The following PRDM16 variants were observed in gnomAD, a reference collection of about 807,000 sequenced individuals.
The protein encoded by PRDM16 is histone-lysine N-methyltransferase PRDM16.
In PRDM16, 23 loss-of-function variants were observed where a neutral mutation model predicts 110.6. The observed-to-expected ratio is 0.21, with a 90% CI of 0.15 to 0.29. PRDM16 has a LOEUF of 0.29. PRDM16 is among the 10% of genes least tolerant of loss of function. The pLI is 1.00. For missense variants in PRDM16, 1,615 were observed against 1,794.3 expected (o/e 0.90, Z 1.81); for synonymous variants, 799 against 781.8 (o/e 1.02, Z -0.37).
chr1:3,367,357 T>G (rs1642834042), intron 3 of PRDM16, among the ~76,000 whole-genome samples: 1 of 152,164 alleles, frequency 6.6e-6, no homozygotes, highest in Non-Finnish European at 1.5e-5. Flanking sequence ...CTCTGCTCCA[T>G]TTGGACAGGA....
rs1643689737 is a variant in PRDM16 at position 3,411,712 on chromosome 1, C to G, written c.1515C>G (p.Pro505=). 1 of 1,610,576 alleles carries G rather than the reference C, an allele frequency of 6.2e-7. No homozygotes were observed. Among genetic ancestry groups the G allele is most frequent in the Non-Finnish European group, 8.5e-7 (1 of 1,177,934 alleles). The change falls in exon 9 of 17, where the codon CCC becomes CCG. Residue 505 remains proline (P), a synonymous_variant. Transcript: ENST00000270722. ...PGSLPFSTAP[P]TFPALTPGFP... is the part of the protein sequence containing the mutation. Reference sequence around the variant, plus strand: ...GCCTGCCCTTCTCCACGGCGCCTCCCACGTTCCCCGCACTCACCCCCGGCT... The same window carrying G: ...GCCTGCCCTTCTCCACGGCGCCTCCGACGTTCCCCGCACTCACCCCCGGCT...
At position 3,408,671 on chromosome 1, in the gene PRDM16, TGA is replaced by T. The variant is rs911885320; in HGVS notation, c.1187-2711_1187-2710del. ...CTGTGTTGGCATGTGTGAGAGTGTG[TGA>T]GTGTGAGCACGTGAGCCGGTGCATG... On this transcript the variant is annotated intron_variant, in intron 8 of 16. Transcript: ENST00000270722. Among the ~76,000 whole-genome samples the T allele has an allele frequency of 1.3e-4, 18 of 141,472 alleles. 1 individual carries two copies. The East Asian group carries it at 2.1e-3, about 17-fold the overall frequency. The allele number at this position is 141,472 out of a possible 152,430, so 92.8% of individuals were successfully genotyped here.
rs547235416 is a variant in PRDM16 at position 3,243,151 on chromosome 1, G to A, written c.388-936G>A. Among the ~76,000 whole-genome samples, 1 of 152,230 alleles carries A rather than the reference G, an allele frequency of 6.6e-6. No homozygotes were observed. The highest frequency in any genetic ancestry group is 2.1e-4 in the South Asian group (1 of 4,830). On this transcript the variant is annotated intron_variant, in intron 2 of 16. Coordinates refer to ENST00000270722, the MANE Select transcript of PRDM16 (RefSeq NM_022114.4). This position sits in a 1 kb window ranked among gnomAD's most constrained non-coding sequence, Gnocchi z 5.5. ...CTCCAGCCTCCCTGTCTCGGCCTCT[G>A]TCCACACGTGGGTGAGGGGGTGGGA...
In PRDM16 at chr1:3,376,995, C is replaced by T. The variant is rs921285143; in HGVS notation, c.439-8157C>T. Among the ~76,000 whole-genome samples the T allele has an allele frequency of 5.3e-5, 8 of 152,360 alleles. No individual in the cohort carries two copies. In the South Asian group the frequency reaches 1.0e-3, roughly 20 times the overall value. ...ACCGAGGTGTTTCCAGAACGCCTTT[C>T]CCCCACCTCCTTCCATCACAAGAAT... On this transcript the variant is annotated intron_variant, in intron 3 of 16. Transcript: ENST00000270722.
rs1642938348 is a variant in PRDM16 at position 3,373,375 on chromosome 1, T to A, written c.439-11777T>A. 3.9e-5 allele frequency among the ~76,000 whole-genome samples: 6 copies of A among 152,140 alleles called. No homozygotes were observed. The South Asian group carries it at 1.2e-3, about 31-fold the overall frequency. ...GCGTGCCTTTGCGGTGACCCACATC[T>A]GGGCAAGTAGACACTGTGGAGACTC... is the stretch of plus-strand genomic sequence containing the variant. On this transcript the variant is annotated intron_variant, in intron 3 of 16. Coordinates refer to ENST00000270722, the MANE Select transcript of PRDM16 (RefSeq NM_022114.4).
chr1:3,411,864 T>C lies in PRDM16; in HGVS notation c.1667T>C (p.Leu556Pro). The C allele has an allele frequency of 6.2e-7, 1 of 1,612,162 alleles. No homozygotes were observed. Among genetic ancestry groups the C allele is most frequent in the Non-Finnish European group, 8.5e-7 (1 of 1,178,940 alleles). ...CCCAGTCCCCTGGGGAACCCAGCCCTGCCCCTGGTCTCCGCCGTCAGCAAC... is the reference window on the plus strand; with the variant it reads ...CCCAGTCCCCTGGGGAACCCAGCCCCGCCCCTGGTCTCCGCCGTCAGCAAC... Reference protein sequence around the residue: ...KLPSPLGNPALPLVSAVSNSS... With the variant: ...KLPSPLGNPAPPLVSAVSNSS... The change falls in exon 9 of 17, where the codon CTG becomes CCG. Residue 556 changes from leucine to proline, a missense_variant. This residue lies in a region of PRDM16 where 772 missense variants were observed against 748.3 expected (regional missense o/e 1.03). Coordinates refer to ENST00000270722, the MANE Select transcript of PRDM16 (RefSeq NM_022114.4).
intron 1 of PRDM16, among the ~76,000 whole-genome samples, chr1:3,083,600 G>A (rs1642081939): frequency 6.6e-6 from 1 of 151,948 alleles, no homozygotes; most frequent in African/African-American, 2.4e-5. Flanking sequence ...GCTGTCAGGG[G>A]AGGCGGGTGT....
chr1:3,436,091 TC>T lies in PRDM16; in HGVS notation c.*2283del. ...AGGTACCCCGTAGGAATTTCCAGTTTCCCTTGATCTAGATGGGATTCTTATA... is the reference window on the plus strand; with the variant it reads ...AGGTACCCCGTAGGAATTTCCAGTTTCCTTGATCTAGATGGGATTCTTATA... On this transcript the variant is annotated 3_prime_UTR_variant, in exon 17 of 17. Coordinates refer to ENST00000270722, the MANE Select transcript of PRDM16 (RefSeq NM_022114.4). 1 of 230,954 alleles carries T rather than the reference TC, an allele frequency of 4.3e-6. No individual in the cohort carries two copies. The highest frequency in any genetic ancestry group is 8.6e-6 in the Non-Finnish European group (1 of 116,664). The allele number at this position is 230,954 out of a possible 1,614,324, so 14.3% of individuals were successfully genotyped here. A position where few individuals can be genotyped will look rare whatever the true frequency, so the allele number is the denominator to read the frequency against.
At chr1:3,378,615 G>A (rs945312515) in intron 3 of PRDM16, among the ~76,000 whole-genome samples, 7 of 152,126 alleles carry the variant, frequency 4.6e-5, no homozygotes, top group African/African-American at 1.7e-4. Flanking sequence ...ATAGGCCCGC[G>A]GCGATGAGCG....
At chr1:3,083,356 G>A (rs898373893) in intron 1 of PRDM16, among the ~76,000 whole-genome samples, 23 of 152,342 alleles carry the variant, frequency 1.5e-4, no homozygotes, top group South Asian at 1.0e-3. Flanking sequence ...AAGGCAGTGC[G>A]GCCATCTGGG....
chr1:3,099,302 ACTC>A, intron 1 of PRDM16, among the ~76,000 whole-genome samples: 1 of 152,128 alleles, frequency 6.6e-6, no homozygotes, highest in East Asian at 1.9e-4. Flanking sequence ...ACTGCCTAGA[ACTC>A]CTATTCCTGT....
intron 2 of PRDM16, among the ~76,000 whole-genome samples, chr1:3,218,325 C>A (rs1639077793): frequency 6.6e-6 from 1 of 152,240 alleles, no homozygotes; most frequent in Non-Finnish European, 1.5e-5. Context: ...TTAGGCATGG[C>A]TGTCAAATGC....
intron 3 of PRDM16, among the ~76,000 whole-genome samples, chr1:3,345,235 A>G (rs2100521218): frequency 6.6e-6 from 1 of 152,160 alleles, no homozygotes; most frequent in East Asian, 1.9e-4. Context: ...TCCAGTTCCC[A>G]CCTGCTTTTT....
intron 1 of PRDM16, among the ~76,000 whole-genome samples, chr1:3,074,979 A>G (rs867859999): frequency 1.3e-5 from 2 of 152,226 alleles, no homozygotes; most frequent in South Asian, 4.1e-4. Context: ...ATCCTGGGCC[A>G]GGAGTGCTCC....
chr1:3,117,774 C>A (rs1026678904), intron 1 of PRDM16, among the ~76,000 whole-genome samples: 4 of 152,084 alleles, frequency 2.6e-5, no homozygotes, highest in Admixed American at 2.6e-4. Flanking sequence ...CTCCAGCGAT[C>A]AGGTGCTGGC....
intron 1 of PRDM16, among the ~76,000 whole-genome samples, chr1:3,177,175 A>G (rs917517969): frequency 2.0e-5 from 3 of 151,904 alleles, no homozygotes. Flanking sequence ...CTATTCATCT[A>G]TTCACCCATC....
intron 8 of PRDM16, 65 bp downstream of exon 8, chr1:3,405,713 AG>A: frequency 1.4e-6 from 2 of 1,465,034 alleles, no homozygotes; most frequent in Non-Finnish European, 1.8e-6. Flanking sequence ...GGTCGGGCCG[AG>A]GTGGGCCATC....
At chr1:3,241,629 C>A (rs1639676501) in intron 2 of PRDM16, among the ~76,000 whole-genome samples, 1 of 152,256 alleles carries the variant, frequency 6.6e-6, no homozygotes, top group Non-Finnish European at 1.5e-5. Flanking sequence ...CTGGCCAAGC[C>A]CACGCACGGA....
rs1174786974 is a variant in PRDM16 at position 3,193,681 on chromosome 1, G to GT, written c.387+7207_387+7208insT. Among the ~76,000 whole-genome samples, 3 of 152,174 alleles carry GT rather than the reference G, an allele frequency of 2.0e-5. No homozygotes were observed. The East Asian group carries it at 5.8e-4, about 29-fold the overall frequency. Reference sequence around the variant, plus strand: ...AGCCGGGGAGGAGGTGCAAGCCCCTGCCCCCCAACAATGTCTGCTGAATGC... The same window carrying GT: ...AGCCGGGGAGGAGGTGCAAGCCCCTGTCCCCCCAACAATGTCTGCTGAATGC... On this transcript the variant is annotated intron_variant, in intron 2 of 16. Coordinates refer to ENST00000270722, the MANE Select transcript of PRDM16 (RefSeq NM_022114.4).
Sources: allele counts gnomAD v4.1 joint callset (sites outside exome capture counted in the v4.1 genomes callset), GRCh38; gene constraint gnomAD v4.1.1; regional missense constraint gnomAD v4.1.1; non-coding constraint Gnocchi (gnomAD v3.1); transcripts MANE v1.5; gene names NCBI Gene and HGNC (gene_info 2026-07-23, HGNC 2026-07-21).